Variants in LMTK2 observed in about 807,000 individuals in gnomAD.
LMTK2 encodes the protein lemur tail kinase 2.
Under a neutral mutation model 127.5 loss-of-function variants are expected in LMTK2, and 37 were observed. The observed-to-expected ratio is 0.29, with a 90% CI of 0.22 to 0.38. The LOEUF (loss-of-function observed/expected upper bound fraction) is 0.38, where lower values mean the gene tolerates loss of function less well. LMTK2 is among the 10% of genes least tolerant of loss of function. The pLI, the probability that LMTK2 is intolerant of heterozygous loss-of-function variation, is 1.00. For synonymous variants in LMTK2, 819 were observed against 810.1 expected (o/e 1.01, Z -0.19); for missense variants, 1,694 against 1,920.3 (o/e 0.88, Z 2.20).
rs56064038 is a variant in LMTK2 at position 98,193,678 on chromosome 7, G to C, written c.3213G>C (p.Pro1071=). The change falls in exon 11 of 14, where the codon CCG becomes CCC. Residue 1071 remains proline, a synonymous_variant. Coordinates refer to ENST00000297293, the MANE Select transcript of LMTK2 (RefSeq NM_014916.4). This position sits in a 1 kb window ranked among gnomAD's most constrained non-coding sequence, Gnocchi z 4.1. ...DGGHSGLPPN[P]VIVISDAGDG... ...GCCACAGCGGTCTGCCTCCCAACCC[G>C]GTCATTGTCATCTCAGATGCCGGCG... 6.2e-7 allele frequency: 1 copy of C among 1,613,664 alleles called. No individual in the cohort carries two copies. The highest frequency in any genetic ancestry group is 2.2e-5 in the East Asian group (1 of 44,882).
Position 98,145,626 on chromosome 7 carries a change from A to G in LMTK2, c.376+4085A>G, listed in dbSNP as rs150026007. Among the ~76,000 whole-genome samples, 854 of 152,060 alleles carry G rather than the reference A, an allele frequency of 5.6e-3. 11 individuals carry two copies. The highest frequency in any genetic ancestry group is 0.02 in the African/African-American group (817 of 41,482). On this transcript the variant is annotated intron_variant, in intron 3 of 13. Transcript: ENST00000297293. ...TCTTTTCTTTTCTCTCTGCCTCCAT[A>G]TGTGTATAGGTCTATTTTAGGCTTT...
intron 1 of LMTK2, among the ~76,000 whole-genome samples, chr7:98,116,173 T>C (rs1796279665): frequency 6.6e-6 from 1 of 152,164 alleles, no homozygotes; most frequent in Admixed American, 6.5e-5. Context: ...GGATTATAGG[T>C]GTGAGCCACA....
chr7:98,108,945 C>G (rs78256517), intron 1 of LMTK2, among the ~76,000 whole-genome samples: 6,546 of 150,592 alleles, frequency 0.043, 483 homozygotes, highest in African/African-American at 0.15. Context: ...TGACTGCAAC[C>G]CCCCCCTTCC....
At chr7:98,155,025 C>G in intron 5 of LMTK2, 149 bp downstream of exon 5, 1 of 562,420 alleles carries the variant, frequency 1.8e-6, no homozygotes. Flanking sequence ...CAGGCGTCAT[C>G]TGAAAATCAC....
chr7:98,168,556 A>G (rs925936043), intron 6 of LMTK2, among the ~76,000 whole-genome samples: 2 of 152,366 alleles, frequency 1.3e-5, no homozygotes, highest in East Asian at 3.9e-4. Context: ...AAACATATAA[A>G]TGACTTTAAT....
Position 98,174,104 on chromosome 7 carries a change from T to TAAA in LMTK2, c.791+2446_791+2448dup, listed in dbSNP as rs11351887. Among the ~76,000 whole-genome samples, 7 of 117,918 alleles carry TAAA rather than the reference T, an allele frequency of 5.9e-5. No individual in the cohort carries two copies. The South Asian group carries it at 1.6e-3, about 27-fold the overall frequency. 77.4% of individuals were successfully genotyped at this position (117,918 alleles called of 152,430 possible). ...CATTGACAGCTGTTTCATTTTGTTG[T>TAAA]AAAAAAAAAAAAAAAAAAGAAAAAG... On this transcript the variant is annotated intron_variant, in intron 7 of 13. Transcript: ENST00000297293.
chr7:98,200,858 T>C (rs1296054094), intron 11 of LMTK2, among the ~76,000 whole-genome samples: 1 of 152,200 alleles, frequency 6.6e-6, no homozygotes, highest in East Asian at 1.9e-4. Context: ...ATTTCTTATT[T>C]GTGGTTGTTT....
chr7:98,130,004 C>T (rs1796499279), intron 1 of LMTK2, among the ~76,000 whole-genome samples: 2 of 151,948 alleles, frequency 1.3e-5, no homozygotes, highest in South Asian at 2.1e-4. Context: ...ACTCCAACCG[C>T]GGGCCTCAAG....
At chr7:98,178,802 T>G in intron 7 of LMTK2, among the ~76,000 whole-genome samples, 1 of 152,264 alleles carries the variant, frequency 6.6e-6, no homozygotes, top group East Asian at 1.9e-4. Context: ...ACATTTCATG[T>G]ATTTTTCAGT....
At position 98,137,441 on chromosome 7, in the gene LMTK2, AG is replaced by A; in HGVS notation, c.231+1del. The A allele has an allele frequency of 6.2e-7, 1 of 1,611,860 alleles. No individual in the cohort carries two copies. Among genetic ancestry groups the A allele is most frequent in the Non-Finnish European group, 8.5e-7 (1 of 1,179,272 alleles). ...TGTAAGGACCCAGAAATAGACTTTA[AG>A]GTGAGCACAGAGGGTAGGAACATTT... ...SCCKDPEIDF[K>X]EFEDNFDDEI... On this transcript the variant is annotated frameshift_variant and splice_region_variant, in exon 2 of 14. Coordinates refer to ENST00000297293, the MANE Select transcript of LMTK2 (RefSeq NM_014916.4). LOFTEE classifies it high-confidence loss of function.
At chr7:98,152,341 G>A (rs903830111) in intron 4 of LMTK2, among the ~76,000 whole-genome samples, 3 of 152,198 alleles carry the variant, frequency 2.0e-5, no homozygotes, top group Non-Finnish European at 2.9e-5. Context: ...TCGTAAGCAG[G>A]ATGCTTACAA....
At chr7:98,109,759 A>AAAAG (rs1562892615) in intron 1 of LMTK2, among the ~76,000 whole-genome samples, 2 of 151,764 alleles carry the variant, frequency 1.3e-5, no homozygotes, top group Non-Finnish European at 2.9e-5. Flanking sequence ...AAAAAAAAAA[A>AAAAG]AAAAGAAAGG....
At chr7:98,128,156 T>G (rs1796470571) in intron 1 of LMTK2, among the ~76,000 whole-genome samples, 1 of 151,818 alleles carries the variant, frequency 6.6e-6, no homozygotes, top group South Asian at 2.1e-4. Context: ...AATAAATAAA[T>G]AAGTAAATAA....
intron 3 of LMTK2, 58 bp downstream of exon 3, chr7:98,141,599 G>A: frequency 6.6e-7 from 1 of 1,513,216 alleles, no homozygotes; most frequent in South Asian, 1.1e-5. Flanking sequence ...ATCTGAGAAT[G>A]GGAGCCTAGC....
At position 98,190,710 on chromosome 7, in the gene LMTK2, A is replaced by G. The variant is rs767451702; in HGVS notation, c.999-18A>G. 2 of 1,613,478 alleles carry G rather than the reference A, an allele frequency of 1.2e-6. No homozygotes were observed. The highest frequency in any genetic ancestry group is 1.7e-6 in the Non-Finnish European group (2 of 1,179,598). On this transcript the variant is annotated intron_variant, in intron 9 of 13. Transcript: ENST00000297293. ...CATCTAAAGGGAGAGAGAAACAGCC[A>G]TTTTCTTTTTCCAACAGGTCTCTGG...
intron 3 of LMTK2, among the ~76,000 whole-genome samples, chr7:98,148,510 ATAAT>A (rs1796804946): frequency 6.7e-6 from 1 of 149,256 alleles, no homozygotes; most frequent in Non-Finnish European, 1.5e-5. Context: ...AAAAAAAATA[ATAAT>A]AATAATAATA....
In LMTK2 at chr7:98,192,973, A is replaced by G. The variant is rs958210913; in HGVS notation, c.2508A>G (p.Thr836=). The G allele has an allele frequency of 1.2e-6, 2 of 1,614,048 alleles. No homozygotes were observed. Among genetic ancestry groups the G allele is most frequent in the Non-Finnish European group, 1.7e-6 (2 of 1,180,012 alleles). The change falls in exon 11 of 14, where the codon ACA becomes ACG. Residue 836 remains threonine (T), a synonymous_variant. Transcript: ENST00000297293. ...GGGTACCCCCAGACTCACTCCCAACACAGGGAGAAACCCAGCCCACGTGTT... is the reference window on the plus strand; with the variant it reads ...GGGTACCCCCAGACTCACTCCCAACGCAGGGAGAAACCCAGCCCACGTGTT... ...PRRVPPDSLP[T]QGETQPTCLD...
intron 1 of LMTK2, among the ~76,000 whole-genome samples, chr7:98,134,497 G>A (rs763533996): frequency 6.6e-6 from 1 of 152,054 alleles, no homozygotes. Context: ...TATGTGCATC[G>A]GGAGTGAAGC....
rs1287723398 is a variant in LMTK2 at position 98,142,038 on chromosome 7, G to GT, written c.376+508dup. Among the ~76,000 whole-genome samples the GT allele has an allele frequency of 8.6e-3, 1,253 of 146,426 alleles. 12 individuals carry two copies. The highest frequency in any genetic ancestry group is 0.024 in the African/African-American group (971 of 40,148). On this transcript the variant is annotated intron_variant, in intron 3 of 13. Transcript: ENST00000297293. Reference sequence around the variant, plus strand: ...ACTAGAAAAATAGAATGTGACTATAGTTTTTTTTTTTAGAGTTTGAAATTT... The same window carrying GT: ...ACTAGAAAAATAGAATGTGACTATAGTTTTTTTTTTTTAGAGTTTGAAATTT...
Sources: gnomAD v4.1 joint callset for allele counts (sites outside exome capture counted in the v4.1 genomes callset) on GRCh38, gnomAD v4.1.1 for gene constraint, Gnocchi (gnomAD v3.1) non-coding constraint, MANE v1.5 for transcripts, NCBI Gene and HGNC (gene_info 2026-07-23, HGNC 2026-07-21) for gene names.